Variants in CABLES1 observed in about 807,000 individuals in gnomAD.
CABLES1 encodes the protein CDK5 and ABL1 enzyme substrate 1.
CABLES1 carries 36 observed loss-of-function variants against 57.8 expected under a neutral mutation model. The observed-to-expected ratio is 0.62, with a 90% CI of 0.48 to 0.82. The LOEUF (loss-of-function observed/expected upper bound fraction) is 0.82. Among genes scored for constraint, CABLES1 ranks in the 40% least tolerant of loss-of-function variants. The pLI is 0.00. For missense variants in CABLES1, 767 were observed against 836.6 expected (o/e 0.92, Z 1.03); for synonymous variants, 374 against 363.0 (o/e 1.03, Z -0.35).
rs953770873 is a variant in CABLES1 at position 23,214,009 on chromosome 18, G to T, written c.1043G>T (p.Cys348Phe). The T allele has an allele frequency of 6.2e-7, 1 of 1,612,996 alleles. No individual in the cohort carries two copies. The highest frequency in any genetic ancestry group is 1.7e-5 in the Admixed American group (1 of 59,890). Residue 348 changes from cysteine to phenylalanine, a missense_variant, in exon 4 of 10, where the codon TGT (cysteine) becomes TTT (phenylalanine). This residue lies in a region of CABLES1 where 529 missense variants were observed against 622.8 expected (regional missense o/e 0.85). Transcript: ENST00000256925. ...IVLISGRRSF[C>F]SIFSVLPYRD... ...CTTATCAGTGGCAGAAGATCCTTCT[G>T]TAGTATATTTTCAGTGCTGCCGTAT...
chr18:23,236,700 C>T (rs918681330), intron 6 of CABLES1, among the ~76,000 whole-genome samples: 10 of 152,104 alleles, frequency 6.6e-5, no homozygotes, highest in Admixed American at 2.6e-4. Context: ...CCTTGGTGGC[C>T]GCTCTGATTT....
intron 7 of CABLES1, among the ~76,000 whole-genome samples, chr18:23,244,377 G>A (rs980826245): frequency 1.3e-5 from 2 of 152,234 alleles, no homozygotes; most frequent in Non-Finnish European, 2.9e-5. Flanking sequence ...CAGTGGGAGG[G>A]AGAGTTGATC....
At chr18:23,214,229 C>G (rs2047425584) in intron 4 of CABLES1, 175 bp downstream of exon 4, 5 of 569,258 alleles carry the variant, frequency 8.8e-6, no homozygotes, top group African/African-American at 3.8e-5. Flanking sequence ...AGCCAGAAAG[C>G]TTCCTCGTTG....
chr18:23,145,013 G>C (rs1380608686), intron 1 of CABLES1, among the ~76,000 whole-genome samples: 1 of 150,328 alleles, frequency 6.7e-6, no homozygotes. Context: ...TCGGCTCACT[G>C]CAACCTCCGC....
Position 23,135,634 on chromosome 18 carries a change from C to CCGCCGCGCACGCCGCCCGAT in CABLES1, c.-127_-108dup. 6.3e-6 allele frequency: 5 copies of CCGCCGCGCACGCCGCCCGAT among 788,478 alleles called. No homozygotes were observed. Among genetic ancestry groups the CCGCCGCGCACGCCGCCCGAT allele is most frequent in the Non-Finnish European group, 7.7e-6 (5 of 651,660 alleles). The allele number at this position is 788,478 out of a possible 1,614,324, so 48.8% of individuals were successfully genotyped here. A position where few individuals can be genotyped will look rare whatever the true frequency, so the allele number is the denominator to read the frequency against. The stretch of plus-strand genomic sequence containing the variant: ...ATGGCCCGCCCGCGGGGGGGCTGGA[C>CCGCCGCGCACGCCGCCCGAT]CGCCGCGCACGCCGCCCGATCCCCG... On this transcript the variant is annotated 5_prime_UTR_variant, in exon 1 of 10. The change abolishes the stop of an existing upstream ORF in the 5' untranslated region. Transcript: ENST00000256925.
rs750255561 is a variant in CABLES1 at position 23,237,133 on chromosome 18, G to C, written c.1343-9G>C. 1.3e-6 allele frequency: 2 copies of C among 1,560,374 alleles called. No homozygotes were observed. The highest frequency in any genetic ancestry group is 8.8e-7 in the Non-Finnish European group (1 of 1,131,114). Reference sequence around the variant, plus strand: ...AATTATCATTTTGCATTTTGCATGTGATCTTCAGGTAGTGACCTGGGAGAC... The same window carrying C: ...AATTATCATTTTGCATTTTGCATGTCATCTTCAGGTAGTGACCTGGGAGAC... On this transcript the variant is annotated splice_polypyrimidine_tract_variant and intron_variant, in intron 6 of 9. Transcript: ENST00000256925.
rs577819135 is a variant in CABLES1 at position 23,163,114 on chromosome 18, C to T, written c.846-25724C>T. ...GGGGTGCAGGGTGGTGCTAAAAGGA[C>T]TCCTGGGTTTGTGACTTGGCTTCTT... On this transcript the variant is annotated intron_variant, in intron 1 of 9. Transcript: ENST00000256925. Among the ~76,000 whole-genome samples the T allele has an allele frequency of 1.4e-3, 215 of 152,098 alleles. 1 individual carries two copies. The highest frequency in any genetic ancestry group is 5.1e-3 in the African/African-American group (210 of 41,474).
At chr18:23,151,594 G>T (rs143231255) in intron 1 of CABLES1, among the ~76,000 whole-genome samples, 2 of 152,326 alleles carry the variant, frequency 1.3e-5, no homozygotes, top group African/African-American at 4.8e-5. Context: ...ACCGACAGAT[G>T]GAAGACTGCA....
In CABLES1 at chr18:23,259,728, G is replaced by GACGT. The variant is rs2048250144; in HGVS notation, c.*2363_*2364insGTAC. The GACGT allele has an allele frequency of 6.6e-6, 1 of 152,296 alleles. No homozygotes were observed. The allele number at this position is 152,296 out of a possible 1,614,324, so 9.4% of individuals were successfully genotyped here. A position where few individuals can be genotyped will look rare whatever the true frequency, so the allele number is the denominator to read the frequency against. ...CACCTCTGTGACACGGAACATTCCA[G>GACGT]ACACGTCGCAGCCTTGGGCTTCGGC... On this transcript the variant is annotated 3_prime_UTR_variant, in exon 10 of 10. Transcript: ENST00000256925.
At chr18:23,157,791 C>T (rs2144970251) in intron 1 of CABLES1, among the ~76,000 whole-genome samples, 1 of 152,176 alleles carries the variant, frequency 6.6e-6, no homozygotes, top group South Asian at 2.1e-4. Context: ...TCACTGTACT[C>T]CAACCTGGGC....
intron 1 of CABLES1, among the ~76,000 whole-genome samples, chr18:23,170,111 A>G (rs2047071860): frequency 6.6e-6 from 1 of 152,186 alleles, no homozygotes; most frequent in African/African-American, 2.4e-5. Flanking sequence ...GTTGTTATCC[A>G]TATCTTCCAT....
At chr18:23,237,554 A>G (rs1224603658) in intron 7 of CABLES1, among the ~76,000 whole-genome samples, 1 of 152,148 alleles carries the variant, frequency 6.6e-6, no homozygotes, top group East Asian at 1.9e-4. Flanking sequence ...CGTGGAGAGG[A>G]CCAGGCCCAT....
chr18:23,146,196 G>A (rs566067271), intron 1 of CABLES1, among the ~76,000 whole-genome samples: 226 of 152,306 alleles, frequency 1.5e-3, no homozygotes, highest in African/African-American at 5.2e-3. Context: ...CGGGGTAGAG[G>A]AACAAATGTA....
chr18:23,146,119 T>C (rs906146451), intron 1 of CABLES1, among the ~76,000 whole-genome samples: 3 of 152,252 alleles, frequency 2.0e-5, no homozygotes, highest in Non-Finnish European at 4.4e-5. Context: ...TAAAGCACTT[T>C]ACTCATTGAC....
At chr18:23,235,824 A>G (rs1371292123) in intron 5 of CABLES1, 71 bp from the exon 6 acceptor site, 3 of 1,447,988 alleles carry the variant, frequency 2.1e-6, no homozygotes, top group East Asian at 2.3e-5. Flanking sequence ...TGACAACTGT[A>G]GCTTGATCAG....
chr18:23,160,306 G>T (rs1171844774), intron 1 of CABLES1, among the ~76,000 whole-genome samples: 2 of 152,178 alleles, frequency 1.3e-5, no homozygotes, highest in Admixed American at 6.5e-5. Context: ...TGGGATTACA[G>T]GCGTGAGCCA....
At chr18:23,199,526 C>T (rs1355501931) in intron 3 of CABLES1, among the ~76,000 whole-genome samples, 4 of 152,172 alleles carry the variant, frequency 2.6e-5, no homozygotes, top group Admixed American at 2.6e-4. Context: ...GAAAAGGAAT[C>T]AGTACTGATA....
intron 1 of CABLES1, among the ~76,000 whole-genome samples, chr18:23,170,316 G>A (rs1245937529): frequency 6.6e-6 from 1 of 152,146 alleles, no homozygotes; most frequent in South Asian, 2.1e-4. Context: ...TGTTTTTGAC[G>A]TGGCCTGTTG....
chr18:23,174,291 C>T (rs1460972977), intron 1 of CABLES1, among the ~76,000 whole-genome samples: 1 of 152,176 alleles, frequency 6.6e-6, no homozygotes, highest in Non-Finnish European at 1.5e-5. Flanking sequence ...GTACTTCGTT[C>T]CTTCTCATGG....
Sources: gnomAD v4.1 joint callset for allele counts (sites outside exome capture counted in the v4.1 genomes callset) on GRCh38, gnomAD v4.1.1 for gene constraint, gnomAD v4.1.1 regional missense constraint, MANE v1.5 for transcripts, NCBI Gene and HGNC (gene_info 2026-07-23, HGNC 2026-07-21) for gene names.